Variants in MDM4 observed in about 807,000 individuals in gnomAD.
The protein encoded by MDM4 is protein Mdm4.
In MDM4, 2 loss-of-function variants were observed where a neutral mutation model predicts 60.2. That is an observed-to-expected ratio of 0.03 (90% confidence interval 0.01 to 0.10). The LOEUF is 0.10. Ranked by LOEUF, MDM4 falls within the 10% of genes least tolerant of loss-of-function variation. The probability of loss-of-function intolerance (pLI) is 1.00; values close to 1 mark genes in which losing one functional copy is unlikely to be tolerated. For missense variants in MDM4, 447 were observed against 577.5 expected, an observed-to-expected ratio of 0.77 and a Z score of 2.32; for synonymous variants, 202 against 198.1, an observed-to-expected ratio of 1.02 and a Z score of -0.17.
rs776670788 is a variant in MDM4, at chr1:204,525,490, C to T, written c.-29C>T. On this transcript the variant is annotated 5_prime_UTR_variant, in exon 2 of 11. Coordinates refer to ENST00000367182, the MANE Select transcript of MDM4 (RefSeq NM_002393.5). ...AATTTTTTTTTCTATTTAGTTTTAC[C>T]AACAGACTGCAGTTTCTTCACTACC... 182 of 1,581,890 alleles carry T rather than the reference C, an allele frequency of 1.2e-4. No individual in the cohort carries two copies. The highest frequency in any genetic ancestry group is 1.5e-4 in the Non-Finnish European group (180 of 1,171,272).
intron 10 of MDM4, among the ~76,000 whole-genome samples, chr1:204,548,109 G>A (rs555087876): frequency 2.0e-5 from 3 of 152,358 alleles, no homozygotes; most frequent in African/African-American, 7.2e-5. Context: ...TATCAAAGAT[G>A]CCATTGAATT....
In MDM4 at chr1:204,538,001, C is replaced by T. The variant is rs768537732; in HGVS notation, c.412-208C>T. 1.5e-5 allele frequency: 11 copies of T among 749,396 alleles called. No homozygotes were observed. In the Admixed American group the frequency reaches 1.7e-4, roughly 12 times the overall value. 46.4% of individuals were successfully genotyped at this position (749,396 alleles called of 1,614,324 possible). A position where few individuals can be genotyped will look rare whatever the true frequency, so the allele number is the denominator to read the frequency against. The stretch of plus-strand genomic sequence containing the variant: ...TGGCCTTTGTGCAGAGGTTTTTTTT[C>T]CCCCCAGGTTTGGGATTCTTCTAGC... On this transcript the variant is annotated intron_variant, in intron 6 of 10. Transcript: ENST00000367182.
chr1:204,549,480 C>G lies in MDM4; in HGVS notation c.1271C>G (p.Thr424Arg), dbSNP rs779814322. 5 of 1,610,504 alleles carry G rather than the reference C, an allele frequency of 3.1e-6. No homozygotes were observed. In the Admixed American group the frequency reaches 5.1e-5, roughly 16 times the overall value. Residue 424 changes from threonine to arginine, a missense_variant, in exon 11 of 11, where the codon ACA (threonine) becomes AGA (arginine). Transcript: ENST00000367182. ...LDNLSEQRTD[T>R]ENMEDCQNLL... ...AACCTTTCTGAACAGAGAACAGATA[C>G]AGAAAACATGGAGGATTGCCAGAAT...
chr1:204,529,620 A>C lies in MDM4; in HGVS notation c.154-1064A>C, dbSNP rs886798102. The C allele has an allele frequency of 1.1e-5, 12 of 1,134,766 alleles. No individual in the cohort carries two copies. In the East Asian group the frequency reaches 3.1e-4, roughly 29 times the overall value. 70.3% of individuals were successfully genotyped at this position (1,134,766 alleles called of 1,614,324 possible). On this transcript the variant is annotated intron_variant, in intron 3 of 10. Coordinates refer to ENST00000367182, the MANE Select transcript of MDM4 (RefSeq NM_002393.5). ...TCCACTACTGGGGGGGGTCCAAGGT[A>C]GTAGCTACCCGGAGGGGTTCCTGGC... is the stretch of plus-strand genomic sequence containing the variant.
intron 3 of MDM4, chr1:204,529,426 AGGGG>A: frequency 6.9e-7 from 1 of 1,442,792 alleles, no homozygotes; most frequent in South Asian, 1.2e-5. Flanking sequence ...GGCTGACCAT[AGGGG>A]CCCCCTGGAG....
chr1:204,531,117 G>A (rs1205272530), intron 4 of MDM4, among the ~76,000 whole-genome samples: 5 of 152,210 alleles, frequency 3.3e-5, no homozygotes, highest in African/African-American at 1.2e-4. Flanking sequence ...CAGGGAGTGG[G>A]TGGGATTTAG....
At chr1:204,532,855 CCTCT>C in intron 5 of MDM4, 2 of 1,592,264 alleles carry the variant, frequency 1.3e-6, no homozygotes, top group Non-Finnish European at 8.5e-7. Context: ...GTTTCTTTAC[CCTCT>C]CTATTTTTGG....
intron 5 of MDM4, chr1:204,537,179 T>C: frequency 2.1e-6 from 1 of 468,016 alleles, no homozygotes; most frequent in Non-Finnish European, 3.8e-6. Context: ...AGAACATTTT[T>C]AGCTATTTTT....
chr1:204,528,316 C>A (rs1415101896), intron 3 of MDM4, among the ~76,000 whole-genome samples: 1 of 152,168 alleles, frequency 6.6e-6, no homozygotes, highest in East Asian at 1.9e-4. Flanking sequence ...CAGCCCCAGG[C>A]AGCTAGAAGT....
chr1:204,526,233 G>A, intron 2 of MDM4, 127 bp from the exon 3 acceptor site: 1 of 717,914 alleles, frequency 1.4e-6, no homozygotes, highest in South Asian at 1.7e-5. Context: ...TCCAGCCAAG[G>A]CGACAGAGCA....
rs192627314 is a variant in MDM4 at position 204,534,844 on chromosome 1, T to G, written c.344-2586T>G. On this transcript the variant is annotated intron_variant, in intron 5 of 10. Coordinates refer to ENST00000367182, the MANE Select transcript of MDM4 (RefSeq NM_002393.5). ...GAAAAAATTTCAGACTTAATAAAGTTGCAAAAGTATTGCATAGAGTTTCTC... is the reference window on the plus strand; with the variant it reads ...GAAAAAATTTCAGACTTAATAAAGTGGCAAAAGTATTGCATAGAGTTTCTC... 1.9e-3 allele frequency among the ~76,000 whole-genome samples: 288 copies of G among 152,252 alleles called. 4 individuals carry two copies. Among genetic ancestry groups the G allele is most frequent in the Non-Finnish European group, 1.9e-3 (130 of 68,028 alleles).
rs1558343413 is a variant in MDM4 at position 204,552,890 on chromosome 1, C to CTTTTTTTTTTTTTTTTTTTTTTTTT, written c.*3210_*3211insTTTTTTTTTTTTTTTTTTTTTTTTT. 6.9e-6 allele frequency: 1 copy of CTTTTTTTTTTTTTTTTTTTTTTTTT among 145,942 alleles called. No individual in the cohort carries two copies. 9.0% of individuals were successfully genotyped at this position (145,942 alleles called of 1,614,324 possible). A position where few individuals can be genotyped will look rare whatever the true frequency, so the allele number is the denominator to read the frequency against. ...TTCTTTTCTTTTTTTTTTTTTTTTA[C>CTTTTTTTTTTTTTTTTTTTTTTTTT]TTGAGATGGAGTTTTGCTCTTGTCG... On this transcript the variant is annotated 3_prime_UTR_variant, in exon 11 of 11. Transcript: ENST00000367182.
chr1:204,535,871 T>G (rs1489310465), intron 5 of MDM4, among the ~76,000 whole-genome samples: 2 of 152,162 alleles, frequency 1.3e-5, no homozygotes, highest in Non-Finnish European at 2.9e-5. Context: ...ACATTGTGGT[T>G]TCACCAGATA....
rs1663511309 is a variant in MDM4, at chr1:204,555,967, A to G, written c.*6285A>G. The G allele has an allele frequency of 4.8e-6, 1 of 207,442 alleles. No individual in the cohort carries two copies. Among genetic ancestry groups the G allele is most frequent in the Admixed American group, 5.9e-5 (1 of 16,904 alleles). 12.9% of individuals were successfully genotyped at this position (207,442 alleles called of 1,614,324 possible). ...AGTTAAGTACTGATGTCAACAGACA[A>G]ATATTTCTGATCAGATAGTCCCCTG... On this transcript the variant is annotated 3_prime_UTR_variant, in exon 11 of 11. Coordinates refer to ENST00000367182, the MANE Select transcript of MDM4 (RefSeq NM_002393.5).
chr1:204,536,004 G>A (rs1661374118), intron 5 of MDM4, among the ~76,000 whole-genome samples: 1 of 151,782 alleles, frequency 6.6e-6, no homozygotes, highest in Non-Finnish European at 1.5e-5. Context: ...GCTCATGCCT[G>A]TAATCCCAGC....
intron 10 of MDM4, 48 bp from the exon 11 acceptor site, chr1:204,549,065 C>A: frequency 8.7e-7 from 1 of 1,148,052 alleles, no homozygotes; most frequent in Non-Finnish European, 1.3e-6. Flanking sequence ...TTTTTCTCAG[C>A]ATCATATTAA....
chr1:204,546,575 T>C (rs906433616), intron 9 of MDM4, among the ~76,000 whole-genome samples: 9 of 152,162 alleles, frequency 5.9e-5, no homozygotes, highest in African/African-American at 1.9e-4. Flanking sequence ...ATTTATTTGG[T>C]AACTCTTCTG....
chr1:204,537,549 T>C, intron 6 of MDM4, 52 bp downstream of exon 6: 1 of 1,303,740 alleles, frequency 7.7e-7, no homozygotes, highest in Non-Finnish European at 1.1e-6. Context: ...GCCCCTTCTC[T>C]GTACCTATGG....
chr1:204,521,853 TAATA>T (rs1306228654), intron 1 of MDM4, among the ~76,000 whole-genome samples: 4 of 152,200 alleles, frequency 2.6e-5, no homozygotes, highest in African/African-American at 7.2e-5. Context: ...ATATTTTACA[TAATA>T]AATAATTAAA....
Sources: allele counts gnomAD v4.1 joint callset (sites outside exome capture counted in the v4.1 genomes callset), GRCh38; gene constraint gnomAD v4.1.1; transcripts MANE v1.5; gene names NCBI Gene and HGNC (gene_info 2026-07-23, HGNC 2026-07-21).